The following PDLIM5 variants were observed in gnomAD, a reference collection of about 807,000 sequenced individuals.
PDLIM5 encodes the protein PDZ and LIM domain 5, also known as PDZ and LIM domain protein 5.
A neutral mutation model predicts 64.2 loss-of-function variants in PDLIM5; 34 were observed. The ratio of observed to expected loss-of-function variants is 0.53; its 90% CI spans 0.40 to 0.71. The LOEUF (loss-of-function observed/expected upper bound fraction) is 0.71, where lower values mean the gene tolerates loss of function less well. Among genes scored for constraint, PDLIM5 ranks in the 30% least tolerant of loss-of-function variants. PDLIM5 has a pLI of 0.00. For synonymous variants in PDLIM5, 253 were observed against 269.1 expected, an observed-to-expected ratio of 0.94 and a Z score of 0.59; for missense variants, 683 against 733.6, an observed-to-expected ratio of 0.93 and a Z score of 0.80.
At chr4:94,462,047 G>A (rs1272768656) in intron 2 of PDLIM5, among the ~76,000 whole-genome samples, 1 of 152,092 alleles carries the variant, frequency 6.6e-6, no homozygotes, top group African/African-American at 2.4e-5. Flanking sequence ...TGTATTTGTG[G>A]TAGAGACAGA....
chr4:94,472,623 A>G (rs773749619), intron 2 of PDLIM5, among the ~76,000 whole-genome samples: 1 of 152,186 alleles, frequency 6.6e-6, no homozygotes, highest in African/African-American at 2.4e-5. Flanking sequence ...AGAGGTCACC[A>G]TGCTCTTTAT....
chr4:94,468,722 C>T lies in PDLIM5; in HGVS notation c.96+13338C>T, dbSNP rs557263338. ...AGGTGTAGTCAAACTTAGTCCTTGT[C>T]GATTTTATTGTTACTACTTACTATC... On this transcript the variant is annotated intron_variant, in intron 2 of 12. Coordinates refer to ENST00000317968, the MANE Select transcript of PDLIM5 (RefSeq NM_006457.5). 2.6e-5 allele frequency among the ~76,000 whole-genome samples: 4 copies of T among 152,114 alleles called. No homozygotes were observed. In the East Asian group the frequency reaches 7.7e-4, roughly 29 times the overall value.
chr4:94,570,077 T>TTATTATAATTATAATTCTTAAAGAAG (rs1358567531), intron 3 of PDLIM5, among the ~76,000 whole-genome samples: 1 of 152,032 alleles, frequency 6.6e-6, no homozygotes, highest in African/African-American at 2.4e-5. Flanking sequence ...ACTTACAGAA[T>TTATTATAATTATAATTCTTAAAGAAG]TATTATAATT....
chr4:94,529,917 A>G (rs1327696246), intron 3 of PDLIM5, among the ~76,000 whole-genome samples: 3 of 152,220 alleles, frequency 2.0e-5, no homozygotes, highest in Admixed American at 6.5e-5. Flanking sequence ...TTTTGATCCA[A>G]ATCAAAGTGG....
At chr4:94,561,026 C>A (rs937234136) in intron 3 of PDLIM5, among the ~76,000 whole-genome samples, 1 of 152,102 alleles carries the variant, frequency 6.6e-6, no homozygotes, top group South Asian at 2.1e-4. Flanking sequence ...CGCGCCCAGC[C>A]AACTTAGATG....
intron 2 of PDLIM5, chr4:94,456,478 G>A (rs1244342464): frequency 1.0e-5 from 7 of 701,810 alleles, no homozygotes; most frequent in Admixed American, 2.0e-5. Context: ...GATTACAGGC[G>A]TGAGCCACCG....
At position 94,453,670 on chromosome 4, in the gene PDLIM5, A is replaced by C. The variant is rs180692877; in HGVS notation, c.-42-1577A>C. Among the ~76,000 whole-genome samples the C allele has an allele frequency of 2.0e-5, 3 of 152,300 alleles. No individual in the cohort carries two copies. The East Asian group carries it at 5.8e-4, about 29-fold the overall frequency. On this transcript the variant is annotated intron_variant, in intron 1 of 12. Coordinates refer to ENST00000317968, the MANE Select transcript of PDLIM5 (RefSeq NM_006457.5). Reference sequence around the variant, plus strand: ...CACGATTCTGATTTGTATCGTGTCAATATCAGGACAGTCCTTCTATTAGTT... The same window carrying C: ...CACGATTCTGATTTGTATCGTGTCACTATCAGGACAGTCCTTCTATTAGTT...
At position 94,576,987 on chromosome 4, in the gene PDLIM5, T is replaced by A. The variant is rs970307071; in HGVS notation, c.710+953T>A. On this transcript the variant is annotated intron_variant, in intron 5 of 12. Coordinates refer to ENST00000317968, the MANE Select transcript of PDLIM5 (RefSeq NM_006457.5). ...GAGAGGTTATGTACAGTATCTTTTT[T>A]AAAAATAATTCTTTTCTATAATGTA... 5.9e-5 allele frequency among the ~76,000 whole-genome samples: 9 copies of A among 152,314 alleles called. No individual in the cohort carries two copies. The East Asian group carries it at 1.2e-3, about 20-fold the overall frequency.
intron 5 of PDLIM5, among the ~76,000 whole-genome samples, chr4:94,576,918 TAGTC>T (rs2110289157): frequency 6.6e-6 from 1 of 152,288 alleles, no homozygotes; most frequent in South Asian, 2.1e-4. Context: ...TGTTATCAGA[TAGTC>T]AGAAATTTAT....
chr4:94,645,328 G>A (rs1741327898), intron 9 of PDLIM5, among the ~76,000 whole-genome samples: 1 of 152,100 alleles, frequency 6.6e-6, no homozygotes, highest in Non-Finnish European at 1.5e-5. Context: ...TGGGCATTTG[G>A]GCTAGTTCCA....
chr4:94,457,187 T>C (rs1723453561), intron 2 of PDLIM5: 1 of 972,884 alleles, frequency 1.0e-6, no homozygotes, highest in South Asian at 4.8e-5. Flanking sequence ...AAATCCCATT[T>C]TACTAACGGA....
chr4:94,540,407 C>T (rs975677751), intron 3 of PDLIM5, among the ~76,000 whole-genome samples: 5 of 152,206 alleles, frequency 3.3e-5, no homozygotes, highest in South Asian at 2.1e-4. Context: ...AGTGAGCCAC[C>T]GCACCCAGCC....
intron 3 of PDLIM5, among the ~76,000 whole-genome samples, chr4:94,534,953 C>T (rs1161954063): frequency 6.6e-6 from 1 of 152,000 alleles, no homozygotes; most frequent in Non-Finnish European, 1.5e-5. Flanking sequence ...AAATGTTGAC[C>T]AACTGGAAAT....
chr4:94,480,658 C>G (rs1725767282), intron 2 of PDLIM5, among the ~76,000 whole-genome samples: 1 of 152,144 alleles, frequency 6.6e-6, no homozygotes, highest in African/African-American at 2.4e-5. Flanking sequence ...GAGAGAAATA[C>G]CAAGGCTTTC....
chr4:94,600,797 G>A (rs904089490), intron 7 of PDLIM5, among the ~76,000 whole-genome samples: 1 of 152,066 alleles, frequency 6.6e-6, no homozygotes. Context: ...CTTTTAAGTT[G>A]TCATTACACG....
At chr4:94,649,461 A>G (rs754701984) in intron 9 of PDLIM5, among the ~76,000 whole-genome samples, 6 of 151,876 alleles carry the variant, frequency 4.0e-5, no homozygotes, top group East Asian at 3.9e-4. Context: ...TACCTATACC[A>G]TCTTCCTCTC....
Position 94,550,797 on chromosome 4 carries a change from TATC to T in PDLIM5, c.249-22551_249-22549del, listed in dbSNP as rs917808422. On this transcript the variant is annotated intron_variant, in intron 3 of 12. Coordinates refer to ENST00000317968, the MANE Select transcript of PDLIM5 (RefSeq NM_006457.5). ...TTTATTTTTCATATTGAAAATTACT[TATC>T]ATAGAATTTTGTCATCTTCTTGTAC... 3.3e-5 allele frequency among the ~76,000 whole-genome samples: 5 copies of T among 152,174 alleles called. No homozygotes were observed. The South Asian group carries it at 6.2e-4, about 19-fold the overall frequency.
At chr4:94,561,242 A>G (rs576824601) in intron 3 of PDLIM5, among the ~76,000 whole-genome samples, 10 of 152,222 alleles carry the variant, frequency 6.6e-5, no homozygotes, top group Non-Finnish European at 1.2e-4. Context: ...GTATTATTCA[A>G]GTTCCCTTGA....
chr4:94,495,565 G>A (rs1727310329), intron 2 of PDLIM5, among the ~76,000 whole-genome samples: 1 of 152,078 alleles, frequency 6.6e-6, no homozygotes, highest in Non-Finnish European at 1.5e-5. Context: ...CTAGGAACAG[G>A]CATGGTATGC....
Sources: allele counts gnomAD v4.1 joint callset (sites outside exome capture counted in the v4.1 genomes callset), GRCh38; gene constraint gnomAD v4.1.1; transcripts MANE v1.5; gene names NCBI Gene and HGNC (gene_info 2026-07-23, HGNC 2026-07-21).